ZFHX3: variants seen among roughly 807,000 people sequenced by gnomAD.
ZFHX3 encodes the protein zinc finger homeobox protein 3.
In ZFHX3, 42 loss-of-function variants were observed where a neutral mutation model predicts 279.1. The ratio of observed to expected loss-of-function variants is 0.15; its 90% CI spans 0.12 to 0.19. The LOEUF (loss-of-function observed/expected upper bound fraction) is 0.19, where lower values mean the gene tolerates loss of function less well. Ranked by LOEUF, ZFHX3 falls within the 10% of genes least tolerant of loss-of-function variation. The probability of loss-of-function intolerance (pLI) is 1.00; values close to 1 mark genes in which losing one functional copy is unlikely to be tolerated. For synonymous variants in ZFHX3, 2,293 were observed against 1,957.8 expected (o/e 1.17, Z -4.52); for missense variants, 4,981 against 4,754.0 (o/e 1.05, Z -1.40).
chr16:73,158,484 A>G (rs1015307338), intron 5 of ZFHX3, among the ~76,000 whole-genome samples: 5 of 151,704 alleles, frequency 3.3e-5, no homozygotes, highest in Non-Finnish European at 7.4e-5. Context: ...TTCTTTTAAA[A>G]ACTTTTTTTT....
intron 5 of ZFHX3, among the ~76,000 whole-genome samples, chr16:73,153,356 C>A (rs753258924): frequency 2.0e-5 from 3 of 152,186 alleles, no homozygotes; most frequent in African/African-American, 7.2e-5. Flanking sequence ...GGCTCAAAGA[C>A]TCAAAGAAGC....
At chr16:73,487,594 A>G in intron 2 of ZFHX3, 1 of 307,242 alleles carries the variant, frequency 3.3e-6, no homozygotes, top group Non-Finnish European at 6.4e-6. Flanking sequence ...TTTTGTAGAC[A>G]CGGGTTCTCA....
intron 5 of ZFHX3, among the ~76,000 whole-genome samples, chr16:73,245,631 C>G (rs995704713): frequency 6.6e-6 from 1 of 152,190 alleles, no homozygotes; most frequent in Non-Finnish European, 1.5e-5. Context: ...ACGTAGGGCT[C>G]CTTCTGGGGA....
At chr16:73,398,843 A>ACTG (rs2017185912) in intron 3 of ZFHX3, among the ~76,000 whole-genome samples, 1 of 151,434 alleles carries the variant, frequency 6.6e-6, no homozygotes, top group Non-Finnish European at 1.5e-5. Flanking sequence ...AAGTACACTT[A>ACTG]TAAGTGGCAG....
At chr16:73,686,412 A>G (rs556056991) in intron 1 of ZFHX3, among the ~76,000 whole-genome samples, 4 of 152,288 alleles carry the variant, frequency 2.6e-5, no homozygotes, top group Admixed American at 2.6e-4. Context: ...ATTTCTAACT[A>G]TGAGTGCTTT....
chr16:73,217,339 A>G (rs2012250540), intron 5 of ZFHX3, among the ~76,000 whole-genome samples: 1 of 152,148 alleles, frequency 6.6e-6, no homozygotes, highest in Non-Finnish European at 1.5e-5. Context: ...GTCCGATTTG[A>G]GTTCAGACAC....
At chr16:72,944,456 A>G (rs1960564697) in intron 3 of ZFHX3, among the ~76,000 whole-genome samples, 1 of 152,240 alleles carries the variant, frequency 6.6e-6, no homozygotes, top group Non-Finnish European at 1.5e-5. Flanking sequence ...GCCTCTGGAC[A>G]GTAAAGTCAG....
chr16:73,135,877 A>G (rs1429135628), intron 6 of ZFHX3, among the ~76,000 whole-genome samples: 2 of 121,376 alleles, frequency 1.6e-5, no homozygotes, highest in African/African-American at 3.0e-5. Flanking sequence ...TTTTTTTTTG[A>G]GACAGAATCT....
chr16:73,102,321 C>A (rs945935889), intron 7 of ZFHX3, among the ~76,000 whole-genome samples: 1 of 152,182 alleles, frequency 6.6e-6, no homozygotes, highest in African/African-American at 2.4e-5. Flanking sequence ...ATCCAGGGTA[C>A]ACATTGCCCC....
At chr16:73,794,239 C>G (rs1006402863) in intron 1 of ZFHX3, 1 of 152,178 alleles carries the variant, frequency 6.6e-6, no homozygotes, top group Non-Finnish European at 1.5e-5. Context: ...GGGTGGACAT[C>G]GAGGGCTGGT....
At chr16:73,877,836 AACAC>A (rs1225002586) in intron 1 of ZFHX3, among the ~76,000 whole-genome samples, 2 of 152,078 alleles carry the variant, frequency 1.3e-5, no homozygotes, top group African/African-American at 4.8e-5. Context: ...ATTCTATTAA[AACAC>A]ACACAAAGAC....
chr16:73,571,067 T>G, intron 2 of ZFHX3, among the ~76,000 whole-genome samples: 1 of 141,170 alleles, frequency 7.1e-6, no homozygotes, highest in African/African-American at 3.0e-5. Flanking sequence ...TAAAGAATAA[T>G]TTTCTCTAAT....
rs1328622015 is a variant in ZFHX3 at position 72,788,054 on chromosome 16, G to T, written c.10222C>A (p.Pro3408Thr). The change falls in exon 10 of 10, where the codon CCT (proline) becomes ACT (threonine). Residue 3408 changes from proline to threonine, a missense_variant. Pro to Thr is a conservative substitution (Grantham distance 38, BLOSUM62 -1). This residue lies in a region of ZFHX3 where 1,034 missense variants were observed against 786.0 expected (regional missense o/e 1.32). Coordinates refer to ENST00000268489, the MANE Select transcript of ZFHX3 (RefSeq NM_006885.4). ...ASQTPVPPGA[P>T]SPDKDPAKES... ...TTGGCAGGGTCTTTGTCTGGGGAAG[G>T]AGCCCCGGGGGGGACTGGGGTTTGG... 1 of 1,611,916 alleles carries T rather than the reference G, an allele frequency of 6.2e-7. No individual in the cohort carries two copies. The highest frequency in any genetic ancestry group is 8.5e-7 in the Non-Finnish European group (1 of 1,179,846).
At chr16:72,860,281 C>T (rs1191362340) in intron 4 of ZFHX3, among the ~76,000 whole-genome samples, 18 of 152,178 alleles carry the variant, frequency 1.2e-4, no homozygotes, top group African/African-American at 4.3e-4. Flanking sequence ...TCCATCAGGC[C>T]TCGGTGGAAC....
intron 5 of ZFHX3, among the ~76,000 whole-genome samples, chr16:73,242,457 G>C (rs567185755): frequency 6.6e-6 from 1 of 152,158 alleles, no homozygotes; most frequent in South Asian, 2.1e-4. Context: ...ATTTTTTAGA[G>C]CAGGAACCAC....
intron 3 of ZFHX3, among the ~76,000 whole-genome samples, chr16:73,399,173 C>T (rs1305828662): frequency 3.9e-5 from 6 of 152,048 alleles, no homozygotes; most frequent in African/African-American, 1.4e-4. Flanking sequence ...CCACTGTGCC[C>T]GGCTGGCAGT....
chr16:73,288,595 G>A (rs1450021895), intron 4 of ZFHX3, among the ~76,000 whole-genome samples: 1 of 152,122 alleles, frequency 6.6e-6, no homozygotes, highest in Non-Finnish European at 1.5e-5. Context: ...TGTCCGCAGC[G>A]GAGATGGATT....
At chr16:73,725,051 T>C (rs1419909211) in intron 1 of ZFHX3, among the ~76,000 whole-genome samples, 1 of 152,202 alleles carries the variant, frequency 6.6e-6, no homozygotes, top group East Asian at 1.9e-4. Flanking sequence ...CATTGTTTCC[T>C]ATAAACTGGC....
At chr16:73,493,692 T>TTGTAAG (rs1195936018) in intron 2 of ZFHX3, among the ~76,000 whole-genome samples, 4 of 152,164 alleles carry the variant, frequency 2.6e-5, no homozygotes, top group Admixed American at 6.5e-5. Context: ...GGTCTTTCCC[T>TTGTAAG]GGATCTACTC....
Sources: allele counts gnomAD v4.1 joint callset (sites outside exome capture counted in the v4.1 genomes callset), GRCh38; gene constraint gnomAD v4.1.1; regional missense constraint gnomAD v4.1.1; transcripts MANE v1.5; gene names NCBI Gene and HGNC (gene_info 2026-07-23, HGNC 2026-07-21).